The following SLC25A48 variants were observed in gnomAD, a reference collection of about 807,000 sequenced individuals.
The protein encoded by SLC25A48 is solute carrier family 25 member 48.
SLC25A48 carries 29 observed loss-of-function variants against 32.2 expected under a neutral mutation model. The observed-to-expected ratio is 0.90, with a 90% CI of 0.67 to 1.23. The LOEUF (loss-of-function observed/expected upper bound fraction) is 1.23. SLC25A48 is among the 50% of genes most tolerant of loss of function. The pLI, the probability that SLC25A48 is intolerant of heterozygous loss-of-function variation, is 0.00. For synonymous variants in SLC25A48, 164 were observed against 172.3 expected, an observed-to-expected ratio of 0.95 and a Z score of 0.38; for missense variants, 399 against 422.7, an observed-to-expected ratio of 0.94 and a Z score of 0.49.
intron 3 of SLC25A48, among the ~76,000 whole-genome samples, chr5:135,778,839 AC>A (rs1392702614): frequency 7.1e-5 from 6 of 84,978 alleles, no homozygotes; most frequent in East Asian, 5.4e-4. Context: ...GTGTACACAC[AC>A]CCCCCCCGCC....
chr5:135,708,114 G>A (rs1006869326), intron 3 of SLC25A48, among the ~76,000 whole-genome samples: 1 of 152,136 alleles, frequency 6.6e-6, no homozygotes, highest in African/African-American at 2.4e-5. Flanking sequence ...CAGGCAGCAG[G>A]GGCCTGGGAT....
intron 3 of SLC25A48, among the ~76,000 whole-genome samples, chr5:135,659,703 G>A (rs1171281764): frequency 6.6e-6 from 1 of 152,208 alleles, no homozygotes; most frequent in Non-Finnish European, 1.5e-5. Context: ...AGTTCTGCAG[G>A]TTGTACAGGA....
chr5:135,860,161 G>A (rs1274750738), intron 4 of SLC25A48, among the ~76,000 whole-genome samples: 6 of 152,304 alleles, frequency 3.9e-5, no homozygotes, highest in Non-Finnish European at 5.9e-5. Context: ...AGGGGGATTG[G>A]CTAGATTAGG....
chr5:135,758,060 TATA>T (rs1443692624), intron 3 of SLC25A48, among the ~76,000 whole-genome samples: 1 of 150,634 alleles, frequency 6.6e-6, no homozygotes. Context: ...CTATGATATT[TATA>T]ATATCTCTAG....
At chr5:135,827,493 G>A (rs1266301022) in intron 4 of SLC25A48, 1 of 152,146 alleles carries the variant, frequency 6.6e-6, no homozygotes, top group Non-Finnish European at 1.5e-5. Context: ...TGGGGATTTG[G>A]GATTTGGAGT....
chr5:135,776,073 C>T (rs962193858), intron 3 of SLC25A48, among the ~76,000 whole-genome samples: 1 of 151,810 alleles, frequency 6.6e-6, no homozygotes, highest in East Asian at 1.9e-4. Flanking sequence ...CTCCAAATAT[C>T]GCAGAAGGTG....
chr5:135,848,461 C>T (rs1759589104), intron 2 of SLC25A48, among the ~76,000 whole-genome samples: 1 of 152,202 alleles, frequency 6.6e-6, no homozygotes, highest in East Asian at 1.9e-4. Context: ...ACAAGAAGAC[C>T]TTGAAGGCCC....
chr5:135,880,847 C>T (rs27426), intron 7 of SLC25A48, among the ~76,000 whole-genome samples: 9,194 of 152,248 alleles, frequency 0.06, 357 homozygotes, highest in Non-Finnish European at 0.084. Flanking sequence ...GCTTCACCAG[C>T]TCTTTGCCAT....
intron 1 of SLC25A48, among the ~76,000 whole-genome samples, chr5:135,605,771 G>A (rs999154408): frequency 2.0e-5 from 3 of 152,102 alleles, no homozygotes; most frequent in African/African-American, 7.2e-5. Flanking sequence ...TGGATCCCGG[G>A]AAAATGTTTA....
chr5:135,608,745 C>T lies in SLC25A48; in HGVS notation c.-848-20492C>T, dbSNP rs1751999196. ...GAGGGTGCCTTCTTCTGTCTCCATC[C>T]TCCCTCTTCTCCCAAGGCTGGCCAA... On this transcript the variant is annotated intron_variant, in intron 1 of 10. Coordinates refer to the SLC25A48 transcript ENST00000646290. Among the ~76,000 whole-genome samples, 3 of 152,134 alleles carry T rather than the reference C, an allele frequency of 2.0e-5. No homozygotes were observed. The South Asian group carries it at 6.2e-4, about 32-fold the overall frequency.
chr5:135,835,171 C>A, intron 1 of SLC25A48: 1 of 653,350 alleles, frequency 1.5e-6, no homozygotes, highest in Non-Finnish European at 2.8e-6. Context: ...AACAGCTCGT[C>A]AAAGCCCACA....
intron 3 of SLC25A48, among the ~76,000 whole-genome samples, chr5:135,755,989 A>G (rs969161377): frequency 2.0e-5 from 3 of 152,096 alleles, no homozygotes; most frequent in Admixed American, 1.3e-4. Flanking sequence ...TATCATATCT[A>G]TTGTCAACGG....
chr5:135,701,790 G>A (rs111396212), intron 3 of SLC25A48, among the ~76,000 whole-genome samples: 6 of 152,170 alleles, frequency 3.9e-5, no homozygotes, highest in African/African-American at 1.2e-4. Context: ...GGGTGAACTC[G>A]AGATGGAACC....
At chr5:135,690,229 T>C (rs910578497) in intron 3 of SLC25A48, among the ~76,000 whole-genome samples, 4 of 152,146 alleles carry the variant, frequency 2.6e-5, no homozygotes, top group African/African-American at 9.7e-5. Flanking sequence ...AGTTCATGTA[T>C]GGGAGAAGTG....
At chr5:135,704,906 G>A (rs1254133373) in intron 3 of SLC25A48, among the ~76,000 whole-genome samples, 1 of 152,178 alleles carries the variant, frequency 6.6e-6, no homozygotes, top group African/African-American at 2.4e-5. Context: ...TGGGTTGATG[G>A]TACAAATCCA....
At chr5:135,583,588 G>C (rs1751283105) in intron 1 of SLC25A48, among the ~76,000 whole-genome samples, 1 of 151,644 alleles carries the variant, frequency 6.6e-6, no homozygotes, top group African/African-American at 2.4e-5. Flanking sequence ...GGAAACTGAG[G>C]CCCAGCAATG....
intron 3 of SLC25A48, among the ~76,000 whole-genome samples, chr5:135,658,842 C>T (rs1394442057): frequency 6.6e-6 from 1 of 152,218 alleles, no homozygotes; most frequent in Admixed American, 6.5e-5. Flanking sequence ...TATACTTGGC[C>T]TCTTTTAGTC....
At chr5:135,767,059 A>C (rs940637184) in intron 3 of SLC25A48, among the ~76,000 whole-genome samples, 2 of 151,846 alleles carry the variant, frequency 1.3e-5, no homozygotes, top group Non-Finnish European at 2.9e-5. Flanking sequence ...GATATTGTTC[A>C]TAATATCCAA....
chr5:135,588,889 A>T (rs1751439087), intron 1 of SLC25A48, among the ~76,000 whole-genome samples: 1 of 152,216 alleles, frequency 6.6e-6, no homozygotes, highest in Non-Finnish European at 1.5e-5. Context: ...TTTGGTGCCT[A>T]GGTCTGTTTG....
Sources: allele counts gnomAD v4.1 joint callset (sites outside exome capture counted in the v4.1 genomes callset), GRCh38; gene constraint gnomAD v4.1.1; transcripts MANE v1.5; gene names NCBI Gene and HGNC (gene_info 2026-07-23, HGNC 2026-07-21).